Variants in PPP2R5E observed in about 807,000 individuals in gnomAD.
PPP2R5E encodes serine/threonine-protein phosphatase 2A 56 kDa regulatory subunit epsilon isoform.
PPP2R5E carries 4 observed loss-of-function variants against 65.3 expected under a neutral mutation model. The observed-to-expected ratio is 0.06, with a 90% CI of 0.03 to 0.14. The LOEUF is 0.14. Ranked by LOEUF, PPP2R5E falls within the 10% of genes least tolerant of loss-of-function variation. The pLI is 1.00. For synonymous variants in PPP2R5E, 183 were observed against 187.4 expected (o/e 0.98, Z 0.19); for missense variants, 274 against 556.1 (o/e 0.49, Z 5.10).
At chr14:63,441,627 C>T (rs1888240819) in intron 3 of PPP2R5E, among the ~76,000 whole-genome samples, 1 of 152,142 alleles carries the variant, frequency 6.6e-6, no homozygotes, top group Non-Finnish European at 1.5e-5. Context: ...ATACATAGAA[C>T]ACAGCAGGGC....
In PPP2R5E at chr14:63,485,195, TTAA is replaced by T. The variant is rs752466702; in HGVS notation, c.158-31313_158-31311del. Among the ~76,000 whole-genome samples the T allele has an allele frequency of 5.5e-3, 788 of 143,798 alleles. 4 individuals are homozygous for T. Among genetic ancestry groups the T allele is most frequent in the Non-Finnish European group, 6.4e-3 (427 of 66,562 alleles). 94.3% of individuals were successfully genotyped at this position (143,798 alleles called of 152,430 possible). On this transcript the variant is annotated intron_variant, in intron 2 of 13. Transcript: ENST00000337537. Reference sequence around the variant, plus strand: ...AAAGAACTGCTACTGCTATACTCATTTAAAAAAAAAAAAAAAAAAAACATACTG... The same window carrying T: ...AAAGAACTGCTACTGCTATACTCATTAAAAAAAAAAAAAAAAAACATACTG...
chr14:63,388,932 C>T (rs1217246796), intron 11 of PPP2R5E, among the ~76,000 whole-genome samples: 1 of 152,142 alleles, frequency 6.6e-6, no homozygotes, highest in African/African-American at 2.4e-5. Flanking sequence ...CCCAGTTTAC[C>T]CTTCTTCCCT....
chr14:63,470,300 A>C (rs75342425), intron 2 of PPP2R5E, among the ~76,000 whole-genome samples: 3,529 of 151,968 alleles, frequency 0.023, 117 homozygotes, highest in East Asian at 0.11. Flanking sequence ...TTGAACTCCT[A>C]GGCTCAAGGG....
intron 5 of PPP2R5E, among the ~76,000 whole-genome samples, chr14:63,402,041 G>GT (rs1461910942): frequency 6.6e-6 from 1 of 152,186 alleles, no homozygotes; most frequent in Non-Finnish European, 1.5e-5. Context: ...GAGAGAATGA[G>GT]TAAGTATCTA....
intron 11 of PPP2R5E, among the ~76,000 whole-genome samples, chr14:63,388,961 C>T (rs780538596): frequency 4.6e-5 from 7 of 152,146 alleles, no homozygotes; most frequent in Non-Finnish European, 8.8e-5. Context: ...GGTTCCACAG[C>T]ACTGCAGCCA....
At chr14:63,398,523 T>C (rs1220531802) in intron 5 of PPP2R5E, among the ~76,000 whole-genome samples, 2 of 152,232 alleles carry the variant, frequency 1.3e-5, no homozygotes, top group Non-Finnish European at 2.9e-5. Context: ...AAGCAAACCC[T>C]GGCTCACGCC....
chr14:63,527,431 G>A (rs1198702058), intron 2 of PPP2R5E, among the ~76,000 whole-genome samples: 1 of 152,206 alleles, frequency 6.6e-6, no homozygotes, highest in Non-Finnish European at 1.5e-5. Flanking sequence ...CATGTAACGT[G>A]TTAAAGGAAC....
At chr14:63,496,888 A>T (rs1303918124) in intron 2 of PPP2R5E, among the ~76,000 whole-genome samples, 11 of 101,308 alleles carry the variant, frequency 1.1e-4, no homozygotes, top group African/African-American at 4.7e-4. Context: ...TACACAGTTT[A>T]AAAAAAAAAA....
chr14:63,525,347 C>A (rs1411666307), intron 2 of PPP2R5E, among the ~76,000 whole-genome samples: 1 of 152,140 alleles, frequency 6.6e-6, no homozygotes, highest in Admixed American at 6.5e-5. Flanking sequence ...TGATGCAGAT[C>A]AAAATTTTCC....
chr14:63,394,692 T>A (rs892027744), intron 7 of PPP2R5E, among the ~76,000 whole-genome samples: 2 of 152,234 alleles, frequency 1.3e-5, no homozygotes, highest in Admixed American at 6.5e-5. Context: ...CTTCTTTTTC[T>A]CTTCATATTA....
intron 2 of PPP2R5E, among the ~76,000 whole-genome samples, chr14:63,513,684 T>C (rs570607129): frequency 1.3e-5 from 2 of 152,356 alleles, no homozygotes; most frequent in African/African-American, 4.8e-5. Flanking sequence ...AAGCTTTTTA[T>C]ATTTCCTGAA....
intron 5 of PPP2R5E, among the ~76,000 whole-genome samples, chr14:63,406,591 A>G (rs1320326968): frequency 6.6e-6 from 1 of 152,188 alleles, no homozygotes; most frequent in Non-Finnish European, 1.5e-5. Context: ...AAATCGCCAC[A>G]GTTTCCATCA....
At chr14:63,391,930 T>C in intron 9 of PPP2R5E, 42 bp downstream of exon 9, 2 of 1,604,794 alleles carry the variant, frequency 1.2e-6, no homozygotes, top group Non-Finnish European at 1.7e-6. Context: ...CTGGGAAAGG[T>C]AATTTTTCTT....
At chr14:63,378,260 A>G (rs1884103176) in intron 13 of PPP2R5E, among the ~76,000 whole-genome samples, 1 of 152,204 alleles carries the variant, frequency 6.6e-6, no homozygotes, top group African/African-American at 2.4e-5. Flanking sequence ...CAACTAAAAA[A>G]CATTTCAATG....
At position 63,468,877 on chromosome 14, in the gene PPP2R5E, T is replaced by G. The variant is rs111808052; in HGVS notation, c.158-14992A>C. On this transcript the variant is annotated intron_variant, in intron 2 of 13. Transcript: ENST00000337537. Reference sequence around the variant, plus strand: ...CTCCCACTAAAATAACATAAAATACTAAACCACTTCAAAGTATCTCTAAAC... The same window carrying G: ...CTCCCACTAAAATAACATAAAATACGAAACCACTTCAAAGTATCTCTAAAC... 2.0e-5 allele frequency among the ~76,000 whole-genome samples: 3 copies of G among 152,178 alleles called. No homozygotes were observed. The South Asian group carries it at 6.2e-4, about 31-fold the overall frequency.
intron 3 of PPP2R5E, among the ~76,000 whole-genome samples, chr14:63,441,242 G>A (rs550471114): frequency 1.8e-4 from 28 of 152,246 alleles, no homozygotes; most frequent in African/African-American, 6.5e-4. Context: ...GAGACTCTAA[G>A]GATTAAGTAT....
chr14:63,384,424 G>A lies in PPP2R5E; in HGVS notation c.1202+20C>T, dbSNP rs774077072. The A allele has an allele frequency of 6.2e-7, 1 of 1,606,530 alleles. No individual in the cohort carries two copies. Among genetic ancestry groups the A allele is most frequent in the African/African-American group, 1.3e-5 (1 of 74,788 alleles). On this transcript the variant is annotated intron_variant, in intron 12 of 13. Transcript: ENST00000337537. Reference sequence around the variant, plus strand: ...AGAGGAAGGGAGGAAGAGAACGGAGGAAAGAAACTGAAAACCTACGGATTC... The same window carrying A: ...AGAGGAAGGGAGGAAGAGAACGGAGAAAAGAAACTGAAAACCTACGGATTC...
At chr14:63,499,730 A>C (rs200247386) in intron 2 of PPP2R5E, among the ~76,000 whole-genome samples, 6 of 149,068 alleles carry the variant, frequency 4.0e-5, no homozygotes, top group Admixed American at 1.3e-4. Flanking sequence ...CTATCTCAGA[A>C]AAAAAAAAAA....
At chr14:63,493,495 C>T (rs74056126) in intron 2 of PPP2R5E, among the ~76,000 whole-genome samples, 14 of 87,282 alleles carry the variant, frequency 1.6e-4, no homozygotes, top group African/African-American at 3.5e-4. Flanking sequence ...TGTGTGTGTG[C>T]GTGTGTGTGG....
Sources: allele counts gnomAD v4.1 joint callset (sites outside exome capture counted in the v4.1 genomes callset), GRCh38; gene constraint gnomAD v4.1.1; transcripts MANE v1.5; gene names NCBI Gene and HGNC (gene_info 2026-07-23, HGNC 2026-07-21).